Variants in RACGAP1 observed in about 807,000 individuals in gnomAD.
RACGAP1 encodes rac GTPase-activating protein 1.
RACGAP1 carries 30 observed loss-of-function variants against 78.1 expected under a neutral mutation model. That is an observed-to-expected ratio of 0.38 (90% CI 0.29 to 0.52). The LOEUF is 0.52. Among genes scored for constraint, RACGAP1 ranks in the 20% least tolerant of loss-of-function variants. The probability of loss-of-function intolerance (pLI) is 0.82; values close to 1 mark genes in which losing one functional copy is unlikely to be tolerated. For synonymous variants in RACGAP1, 231 were observed against 264.8 expected, an observed-to-expected ratio of 0.87 and a Z score of 1.24; for missense variants, 587 against 777.1, an observed-to-expected ratio of 0.76 and a Z score of 2.91.
intron 2 of RACGAP1, among the ~76,000 whole-genome samples, chr12:50,015,466 T>G (rs1949603488): frequency 6.6e-6 from 1 of 152,156 alleles, no homozygotes; most frequent in Non-Finnish European, 1.5e-5. Flanking sequence ...GGCCAGGAGT[T>G]GGACACTAGC....
Position 49,997,220 on chromosome 12 carries a change from G to A in RACGAP1, c.880-16C>T. 6.5e-7 allele frequency: 1 copy of A among 1,549,846 alleles called. No homozygotes were observed. The highest frequency in any genetic ancestry group is 8.8e-7 in the Non-Finnish European group (1 of 1,139,150). ...GTTTAATAACCTGGGATAAAACAGG[G>A]CAGAAGGAACAGAGTGATATGAATT... On this transcript the variant is annotated splice_polypyrimidine_tract_variant and intron_variant, in intron 9 of 16. Coordinates refer to ENST00000312377, the MANE Select transcript of RACGAP1 (RefSeq NM_001319999.2).
chr12:50,024,673 C>T (rs1043946078), intron 1 of RACGAP1, among the ~76,000 whole-genome samples: 2 of 151,972 alleles, frequency 1.3e-5, no homozygotes, highest in African/African-American at 4.8e-5. Flanking sequence ...TTTTAAGTCC[C>T]CTCCAAAAGA....
chr12:50,007,227 A>G (rs766557920), intron 2 of RACGAP1, among the ~76,000 whole-genome samples: 2 of 151,898 alleles, frequency 1.3e-5, no homozygotes, highest in Non-Finnish European at 2.9e-5. Context: ...CCTGAAGGGT[A>G]TGTAAACATT....
At chr12:50,018,699 C>T (rs60545350) in intron 1 of RACGAP1, 129 of 374,544 alleles carry the variant, frequency 3.4e-4, no homozygotes, top group African/African-American at 2.2e-3. Context: ...CTCAATACCA[C>T]GGCAAAACTT....
chr12:50,028,447 A>T (rs1950300519), upstream of RACGAP1, among the ~76,000 whole-genome samples: 2 of 152,182 alleles, frequency 1.3e-5, no homozygotes, highest in Non-Finnish European at 2.9e-5. Flanking sequence ...CCTCCCTTGC[A>T]TTCTTTACTC....
intron 1 of RACGAP1, chr12:50,021,094 T>C (rs1170307302): frequency 1.0e-6 from 1 of 983,242 alleles, no homozygotes; most frequent in Non-Finnish European, 1.2e-6. Context: ...TAGTTGTAAT[T>C]TTCCTGCTGG....
At chr12:49,991,507 T>A (rs867965173) in intron 15 of RACGAP1, among the ~76,000 whole-genome samples, 18 of 114,836 alleles carry the variant, frequency 1.6e-4, no homozygotes, top group African/African-American at 5.9e-4. Context: ...TTTTTTTTTT[T>A]AGACAGAGTC....
At chr12:50,000,018 A>ATTTTT (rs757681041) in intron 7 of RACGAP1, among the ~76,000 whole-genome samples, 4 of 99,640 alleles carry the variant, frequency 4.0e-5, no homozygotes, top group African/African-American at 3.8e-5. Context: ...CACCTGACTG[A>ATTTTT]TTTTTTTTTT....
chr12:50,006,791 T>C (rs141159830), intron 2 of RACGAP1, among the ~76,000 whole-genome samples, 155 bp from the exon 3 acceptor site: 4 of 152,352 alleles, frequency 2.6e-5, no homozygotes, highest in Admixed American at 2.6e-4. Context: ...GAGCAGATCC[T>C]GGATATGTTT....
chr12:50,020,646 A>G (rs1949958924), intron 1 of RACGAP1, among the ~76,000 whole-genome samples: 1 of 152,194 alleles, frequency 6.6e-6, no homozygotes, highest in Admixed American at 6.5e-5. Flanking sequence ...AAAAATATCA[A>G]TTAGACCATA....
rs1417824421 is a variant in RACGAP1 at position 49,992,033 on chromosome 12, T to G, written c.1679A>C (p.Asn560Thr). The change falls in exon 15 of 17, where the codon AAT becomes ACT. Residue 560 changes from asparagine (N) to threonine (T), a missense_variant. Asn to Thr is a moderately conservative substitution (Grantham distance 65). Coordinates refer to ENST00000312377, the MANE Select transcript of RACGAP1 (RefSeq NM_001319999.2). ...TGGTGTCTGTGGTGTTGAAAAGGCA[T>G]TTGAGTTTTCAATGACATGTAGGGG... ...IDPLHVIENSNAFSTPQTPDI... is the reference protein window; with the variant it reads ...IDPLHVIENSTAFSTPQTPDI... 6.2e-7 allele frequency: 1 copy of G among 1,614,012 alleles called. No homozygotes were observed. The highest frequency in any genetic ancestry group is 1.7e-5 in the Admixed American group (1 of 59,994).
At chr12:50,005,465 G>A in intron 3 of RACGAP1, 73 bp from the exon 4 acceptor site, 1 of 1,561,360 alleles carries the variant, frequency 6.4e-7, no homozygotes, top group South Asian at 1.1e-5. Flanking sequence ...TATGGGACAG[G>A]CAGACCAGAA....
intron 2 of RACGAP1, among the ~76,000 whole-genome samples, chr12:50,010,935 C>A (rs1349309959): frequency 7.4e-5 from 11 of 148,278 alleles, no homozygotes; most frequent in African/African-American, 1.2e-4. Context: ...AATTCTGTCT[C>A]AAAAAAAAAA....
chr12:50,001,626 A>G lies in RACGAP1; in HGVS notation c.550-374T>C, dbSNP rs145701708. Reference sequence around the variant, plus strand: ...CTATATATCCCATTATATGAAGCTTATATTAGAGCACAAAAGTTCTGTGTA... The same window carrying G: ...CTATATATCCCATTATATGAAGCTTGTATTAGAGCACAAAAGTTCTGTGTA... On this transcript the variant is annotated intron_variant, in intron 6 of 16. Transcript: ENST00000312377. 1.7e-3 allele frequency among the ~76,000 whole-genome samples: 255 copies of G among 152,362 alleles called. 1 individual carries two copies. Among genetic ancestry groups the G allele is most frequent in the African/African-American group, 5.7e-3 (238 of 41,584 alleles).
chr12:50,004,700 T>C (rs989473145), intron 4 of RACGAP1, among the ~76,000 whole-genome samples: 1 of 152,244 alleles, frequency 6.6e-6, no homozygotes, highest in Non-Finnish European at 1.5e-5. Context: ...ACTGACTTTT[T>C]AAGAAATTAA....
rs767501903 is a variant in RACGAP1 at position 50,006,621 on chromosome 12, G to A, written c.101C>T (p.Ala34Val). 6.8e-6 allele frequency: 11 copies of A among 1,613,862 alleles called. No homozygotes were observed. In the African/African-American group the frequency reaches 1.1e-4, roughly 16 times the overall value. The change falls in exon 3 of 17, where the codon GCG becomes GTG. Residue 34 changes from alanine (A) to valine (V), a missense_variant. Physicochemically the swap from Ala to Val is moderately conservative, Grantham distance 64. Coordinates refer to ENST00000312377, the MANE Select transcript of RACGAP1 (RefSeq NM_001319999.2). ...TTTACGGAAATCCTCAAAGTCCTTC[G>A]CCAACTGGATAAATTCTGAGGAAAG... ...EGNEVQFIQL[A>V]KDFEDFRKKW... is the part of the protein sequence containing the mutation.
intron 1 of RACGAP1, chr12:50,032,950 C>T (rs906904199): frequency 6.6e-6 from 1 of 152,160 alleles, no homozygotes; most frequent in Non-Finnish European, 1.5e-5. Flanking sequence ...CGAGCGCGCC[C>T]GTACCCCACC....
intron 1 of RACGAP1, 97 bp downstream of exon 1, chr12:50,025,301 C>T (rs963167581): frequency 7.2e-5 from 71 of 985,470 alleles, no homozygotes; most frequent in Admixed American, 6.2e-5. Context: ...CCCGCTGTCC[C>T]GGACCCCCGC....
intron 12 of RACGAP1, among the ~76,000 whole-genome samples, chr12:49,993,079 T>A (rs1000969016): frequency 6.6e-6 from 1 of 152,150 alleles, no homozygotes; most frequent in African/African-American, 2.4e-5. Flanking sequence ...AGCAAATACC[T>A]ATCAGGTAGA....
Sources: gnomAD v4.1 joint callset for allele counts (sites outside exome capture counted in the v4.1 genomes callset) on GRCh38, gnomAD v4.1.1 for gene constraint, MANE v1.5 for transcripts, NCBI Gene and HGNC (gene_info 2026-07-23, HGNC 2026-07-21) for gene names.